Variants in FOXM1 observed in about 807,000 individuals in gnomAD.
FOXM1 encodes the protein forkhead box protein M1.
In FOXM1, 25 loss-of-function variants were observed where a neutral mutation model predicts 63.6. The ratio of observed to expected loss-of-function variants is 0.39; its 90% confidence interval spans 0.29 to 0.55. The LOEUF (loss-of-function observed/expected upper bound fraction) is 0.55. Among genes scored for constraint, FOXM1 ranks in the 20% least tolerant of loss-of-function variants. The probability of loss-of-function intolerance (pLI) is 0.60; values close to 1 mark genes in which losing one functional copy is unlikely to be tolerated. For synonymous variants in FOXM1, 387 were observed against 376.9 expected (o/e 1.03, Z -0.31); for missense variants, 879 against 958.7 (o/e 0.92, Z 1.10).
In FOXM1 at chr12:2,858,942, G is replaced by A; in HGVS notation, c.1988C>T (p.Pro663Leu). 4 of 1,613,734 alleles carry A rather than the reference G, an allele frequency of 2.5e-6. No individual in the cohort carries two copies. Among genetic ancestry groups the A allele is most frequent in the Non-Finnish European group, 3.4e-6 (4 of 1,179,978 alleles). The change falls in exon 9 of 9, where the codon CCC (proline) becomes CTC (leucine). Residue 663 changes from proline (P) to leucine (L), a missense_variant. This residue lies in a region of FOXM1 where 486 missense variants were observed against 453.5 expected (regional missense o/e 1.07). Coordinates refer to ENST00000359843, the MANE Select transcript of FOXM1 (RefSeq NM_021953.4). Reference sequence around the variant, plus strand: ...TTCAAGGGGGGGAGCACTTTGCAAGGGAGTGGTGCTGAGATCCATCAGCCC... The same window carrying A: ...TTCAAGGGGGGGAGCACTTTGCAAGAGAGTGGTGCTGAGATCCATCAGCCC... ...PLGLMDLSTT[P>L]LQSAPPLESP... is the part of the protein sequence containing the mutation.
chr12:2,862,305 A>G (rs1383721656), intron 8 of FOXM1, among the ~76,000 whole-genome samples: 1 of 152,166 alleles, frequency 6.6e-6, no homozygotes, highest in Admixed American at 6.5e-5. Context: ...TATAACTAAG[A>G]GCATTGATAA....
Position 2,864,238 on chromosome 12 carries a change from C to G in FOXM1, c.1266+82G>C. The G allele has an allele frequency of 7.9e-7, 1 of 1,269,040 alleles. No homozygotes were observed. The highest frequency in any genetic ancestry group is 1.1e-6 in the Non-Finnish European group (1 of 903,052). 78.6% of individuals were successfully genotyped at this position (1,269,040 alleles called of 1,614,324 possible). On this transcript the variant is annotated intron_variant, in intron 8 of 8. Coordinates refer to ENST00000359843, the MANE Select transcript of FOXM1 (RefSeq NM_021953.4). The surrounding 1 kb of genome is among the most constrained non-coding windows in gnomAD (Gnocchi z 5.1). The stretch of plus-strand genomic sequence containing the variant: ...TAGATTTATAAGCTCTCAAGGAACA[C>G]TTATCAGAGTGCTTTGCAAGCTGAA...
Position 2,859,154 on chromosome 12 carries a change from C to T in FOXM1, c.1776G>A (p.Gln592=). 6.2e-7 allele frequency: 1 copy of T among 1,606,764 alleles called. No individual in the cohort carries two copies. The highest frequency in any genetic ancestry group is 1.7e-5 in the Admixed American group (1 of 59,760). Residue 592 remains glutamine (Q), a synonymous_variant, in exon 9 of 9, where the codon CAG becomes CAA. Transcript: ENST00000359843. ...GTGTCTTAAAAGGTCCTCCCACTTC[C>T]TGGGAGTAGCTGAGCTGGGAGGCAG... ...SDPASQLSYS[Q]EVGGPFKTPI... is the part of the protein sequence containing the mutation.
chr12:2,859,383 G>A lies in FOXM1; in HGVS notation c.1547C>T (p.Ser516Phe), dbSNP rs951401448. 1 of 1,613,976 alleles carries A rather than the reference G, an allele frequency of 6.2e-7. No homozygotes were observed. The highest frequency in any genetic ancestry group is 8.5e-7 in the Non-Finnish European group (1 of 1,180,014). ...GGTTGGGGACCTAAGCCCACTGTAG[G>A]ACTTCTTGGGTCTTGGGGTGGGAGA... Reference protein sequence around the residue: ...SQSPTPRPKKSYSGLRSPTRC... With the variant: ...SQSPTPRPKKFYSGLRSPTRC... Residue 516 changes from serine (S) to phenylalanine (F), a missense_variant, in exon 9 of 9, where the codon TCC (serine) becomes TTC (phenylalanine). By Grantham distance (155) the Ser-to-Phe change is radical. This residue lies in a region of FOXM1 where 486 missense variants were observed against 453.5 expected (regional missense o/e 1.07). Transcript: ENST00000359843.
rs756830721 is a variant in FOXM1, at chr12:2,874,059, G to C, written c.420C>G (p.Thr140=). Residue 140 remains threonine (T), a synonymous_variant, in exon 2 of 9, where the codon ACC becomes ACG. Transcript: ENST00000359843. This position sits in a 1 kb window ranked among gnomAD's most constrained non-coding sequence, Gnocchi z 4.3. ...DAKRTEVTLE[T]LGPKPAARDV... is the part of the protein sequence containing the mutation. ...CCCTAGCTGCAGGTTTTGGTCCCAA[G>C]GTCTCCAGGGTCACTTCTGTCCTTT... 9.3e-6 allele frequency: 15 copies of C among 1,614,006 alleles called. No homozygotes were observed. In the Admixed American group the frequency reaches 2.3e-4, roughly 25 times the overall value.
Position 2,859,134 on chromosome 12 carries a change from T to G in FOXM1, c.1796A>C (p.Lys599Thr), listed in dbSNP as rs1235234863. 1 of 1,606,008 alleles carries G rather than the reference T, an allele frequency of 6.2e-7. No homozygotes were observed. The highest frequency in any genetic ancestry group is 8.5e-7 in the Non-Finnish European group (1 of 1,176,718). ...GGGCAGCGTTTCCTTAATGGGTGTC[T>G]TAAAAGGTCCTCCCACTTCCTGGGA... is the stretch of plus-strand genomic sequence containing the variant. ...SYSQEVGGPF[K>T]TPIKETLPIS... The change falls in exon 9 of 9, where the codon AAG becomes ACG. Residue 599 changes from lysine to threonine, a missense_variant. Physicochemically the swap from Lys to Thr is moderately conservative, Grantham distance 78. Coordinates refer to ENST00000359843, the MANE Select transcript of FOXM1 (RefSeq NM_021953.4).
chr12:2,867,281 T>C (rs1414596915), intron 4 of FOXM1, among the ~76,000 whole-genome samples: 3 of 151,046 alleles, frequency 2.0e-5, no homozygotes, highest in Non-Finnish European at 4.4e-5. Context: ...CTGGGCAACA[T>C]AGTAACCAGC....
In FOXM1 at chr12:2,865,507, C is replaced by T. The variant is rs2098121517; in HGVS notation, c.976-108G>A. ...CTTATTCCTGACTGATGACAAAAGA[C>T]ACCCCAGACAACTGCCCCTCCCAGG... On this transcript the variant is annotated intron_variant, in intron 5 of 8. Transcript: ENST00000359843. 3 of 847,022 alleles carry T rather than the reference C, an allele frequency of 3.5e-6. No homozygotes were observed. The Admixed American group carries it at 7.7e-5, about 22-fold the overall frequency. The allele number at this position is 847,022 out of a possible 1,614,324, so 52.5% of individuals were successfully genotyped here. A position where few individuals can be genotyped will look rare whatever the true frequency, so the allele number is the denominator to read the frequency against.
At chr12:2,861,664 C>G (rs192112178) in intron 8 of FOXM1, among the ~76,000 whole-genome samples, 1 of 152,214 alleles carries the variant, frequency 6.6e-6, no homozygotes. Flanking sequence ...GGACTCTATC[C>G]TAGAGAAATG....
Position 2,874,273 on chromosome 12 carries a change from G to T in FOXM1, c.206C>A (p.Thr69Asn). 3.7e-6 allele frequency: 6 copies of T among 1,614,198 alleles called. No individual in the cohort carries two copies. The highest frequency in any genetic ancestry group is 5.1e-6 in the Non-Finnish European group (6 of 1,180,050). Residue 69 changes from threonine (T) to asparagine (N), a missense_variant, in exon 2 of 9, where the codon ACC (threonine) becomes AAC (asparagine). By Grantham distance (65) the Thr-to-Asn change is moderately conservative (BLOSUM62 0). Coordinates refer to ENST00000359843, the MANE Select transcript of FOXM1 (RefSeq NM_021953.4). This position sits in a 1 kb window ranked among gnomAD's most constrained non-coding sequence, Gnocchi z 4.3. ...GGCCACTACTTGCGTGTTGGGCATG[G>T]TGGGGTGGTTAATAATCTTGATCCC... ...PAGIKIINHP[T>N]MPNTQVVAIP...
In FOXM1 at chr12:2,864,201, T is replaced by C; in HGVS notation, c.1266+119A>G. On this transcript the variant is annotated intron_variant, in intron 8 of 8. Coordinates refer to ENST00000359843, the MANE Select transcript of FOXM1 (RefSeq NM_021953.4). The surrounding 1 kb of genome is among the most constrained non-coding windows in gnomAD (Gnocchi z 5.1). The stretch of plus-strand genomic sequence containing the variant: ...TACACTTCCCTATGTTTTTATGCCT[T>C]TTCTACCCAACTAGATTTATAAGCT... 1 of 919,068 alleles carries C rather than the reference T, an allele frequency of 1.1e-6. No homozygotes were observed. Among genetic ancestry groups the C allele is most frequent in the East Asian group, 2.4e-5 (1 of 41,258 alleles). 56.9% of individuals were successfully genotyped at this position (919,068 alleles called of 1,614,324 possible).
intron 3 of FOXM1, among the ~76,000 whole-genome samples, chr12:2,871,018 G>A (rs1168799675): frequency 7.3e-6 from 1 of 137,496 alleles, no homozygotes; most frequent in African/African-American, 2.7e-5. Flanking sequence ...TGGATATGAA[G>A]AAGGGAACAC....
At chr12:2,868,840 C>G in intron 3 of FOXM1, 86 bp from the exon 4 acceptor site, 3 of 1,069,694 alleles carry the variant, frequency 2.8e-6, no homozygotes, top group Non-Finnish European at 4.1e-6. Context: ...CTAGAGAAAC[C>G]TTTATCCCAT....
chr12:2,868,864 AAC>A lies in FOXM1; in HGVS notation c.655-112_655-111del, dbSNP rs1337787388. 57 of 778,214 alleles carry A rather than the reference AAC, an allele frequency of 7.3e-5. No individual in the cohort carries two copies. The East Asian group carries it at 1.4e-3, about 20-fold the overall frequency. 48.2% of individuals were successfully genotyped at this position (778,214 alleles called of 1,614,324 possible). On this transcript the variant is annotated intron_variant, in intron 3 of 8. Coordinates refer to ENST00000359843, the MANE Select transcript of FOXM1 (RefSeq NM_021953.4). ...CCTTTATCCCATAGGACGGTCTAGA[AAC>A]AAACTCATCTGAGACCACTATCTCA...
intron 8 of FOXM1, 184 bp from the exon 9 acceptor site, chr12:2,859,847 T>G: frequency 1.7e-6 from 1 of 584,702 alleles, no homozygotes; most frequent in Non-Finnish European, 3.0e-6. Flanking sequence ...GTATGTAGTA[T>G]GTAGTGGCAT....
chr12:2,859,614 C>T lies in FOXM1; in HGVS notation c.1316G>A (p.Gly439Glu). The change falls in exon 9 of 9, where the codon GGG becomes GAG. Residue 439 changes from glycine to glutamate, a missense_variant. Gly to Glu is a moderately conservative substitution (Grantham distance 98). Around this residue, in one of 4 missense-constraint regions of FOXM1, gnomAD observed 486 missense variants for 453.5 expected, o/e 1.07. Coordinates refer to ENST00000359843, the MANE Select transcript of FOXM1 (RefSeq NM_021953.4). ...GIAPLSSAGP[G>E]KEEKLLFGEG... The stretch of plus-strand genomic sequence containing the variant: ...TCCAAACAGGAGTTTCTCCTCTTTC[C>T]CTGGTCCTGCAGAAGAAAGAGGAGC... 1 of 1,612,674 alleles carries T rather than the reference C, an allele frequency of 6.2e-7. No homozygotes were observed. The highest frequency in any genetic ancestry group is 8.5e-7 in the Non-Finnish European group (1 of 1,179,616).
rs114608193 is a variant in FOXM1, at chr12:2,859,265, C to A, written c.1665G>T (p.Val555=). The A allele has an allele frequency of 6.2e-7, 1 of 1,613,638 alleles. No individual in the cohort carries two copies. Among genetic ancestry groups the A allele is most frequent in the African/African-American group, 1.3e-5 (1 of 74,882 alleles). The change falls in exon 9 of 9, where the codon GTG becomes GTT. Residue 555 remains valine, a synonymous_variant. Coordinates refer to ENST00000359843, the MANE Select transcript of FOXM1 (RefSeq NM_021953.4). ...CTGAGAAGAGCAGCTCCGGCTCATC[C>A]ACACAGGGAGGCAGTAGATGCTGTT... ...RRKQHLLPPC[V]DEPELLFSEG... is the part of the protein sequence containing the mutation.
In FOXM1 at chr12:2,874,029, C is replaced by T; in HGVS notation, c.450G>A (p.Val150=). 2 of 1,614,146 alleles carry T rather than the reference C, an allele frequency of 1.2e-6. No individual in the cohort carries two copies. Among genetic ancestry groups the T allele is most frequent in the Non-Finnish European group, 1.7e-6 (2 of 1,180,016 alleles). Residue 150 remains valine, a synonymous_variant, in exon 2 of 9, where the codon GTG becomes GTA. Coordinates refer to ENST00000359843, the MANE Select transcript of FOXM1 (RefSeq NM_021953.4). The surrounding 1 kb of genome is among the most constrained non-coding windows in gnomAD (Gnocchi z 4.3). ...GGGCTCCAGGTGGTCTAGGAAGATTCACATCCCTAGCTGCAGGTTTTGGTC... is the reference window on the plus strand; with the variant it reads ...GGGCTCCAGGTGGTCTAGGAAGATTTACATCCCTAGCTGCAGGTTTTGGTC... ...TLGPKPAARD[V]NLPRPPGALC...
At position 2,874,657 on chromosome 12, in the gene FOXM1, T is replaced by C; in HGVS notation, c.-47-132A>G. Reference sequence around the variant, plus strand: ...GGCCCAGGTAAACATTCCATGGACTTTTGTAAAGACCTCAGATAATAAGGA... The same window carrying C: ...GGCCCAGGTAAACATTCCATGGACTCTTGTAAAGACCTCAGATAATAAGGA... On this transcript the variant is annotated intron_variant, in intron 1 of 8. Coordinates refer to ENST00000359843, the MANE Select transcript of FOXM1 (RefSeq NM_021953.4). The surrounding 1 kb of genome is among the most constrained non-coding windows in gnomAD (Gnocchi z 4.3). 1.6e-6 allele frequency: 1 copy of C among 639,468 alleles called. No individual in the cohort carries two copies. Among genetic ancestry groups the C allele is most frequent in the Non-Finnish European group, 2.7e-6 (1 of 370,898 alleles). 39.6% of individuals were successfully genotyped at this position (639,468 alleles called of 1,614,324 possible). A position where few individuals can be genotyped will look rare whatever the true frequency, so the allele number is the denominator to read the frequency against.
Sources: gnomAD v4.1 joint callset for allele counts (sites outside exome capture counted in the v4.1 genomes callset) on GRCh38, gnomAD v4.1.1 for gene constraint, gnomAD v4.1.1 regional missense constraint, Gnocchi (gnomAD v3.1) non-coding constraint, MANE v1.5 for transcripts, NCBI Gene and HGNC (gene_info 2026-07-23, HGNC 2026-07-21) for gene names.